Variants in METTL16 observed in about 807,000 individuals in gnomAD.
METTL16 encodes the protein methyltransferase 16, RNA N6-adenosine.
Under a neutral mutation model 57.9 loss-of-function variants are expected in METTL16, and 19 were observed. That is an observed-to-expected ratio of 0.33 (90% CI 0.23 to 0.48). The LOEUF (loss-of-function observed/expected upper bound fraction) is 0.48, where lower values mean the gene tolerates loss of function less well. Ranked by LOEUF, METTL16 falls within the 20% of genes least tolerant of loss-of-function variation. METTL16 has a pLI of 0.99. For missense variants in METTL16, 434 were observed against 691.5 expected (o/e 0.63, Z 4.18); for synonymous variants, 246 against 255.6 (o/e 0.96, Z 0.36).
chr17:2,502,718 T>C (rs1464064316), intron 1 of METTL16, among the ~76,000 whole-genome samples: 2 of 151,252 alleles, frequency 1.3e-5, no homozygotes, highest in Non-Finnish European at 2.9e-5. Context: ...GGGAAAGCTG[T>C]GGATGCCAAG....
intron 2 of METTL16, among the ~76,000 whole-genome samples, chr17:2,479,952 T>G (rs1042183253): frequency 6.6e-6 from 1 of 152,054 alleles, no homozygotes; most frequent in Non-Finnish European, 1.5e-5. Context: ...TTTGGGAGGC[T>G]GAGGTGGGTG....
intron 2 of METTL16, among the ~76,000 whole-genome samples, chr17:2,487,561 A>G (rs758331258): frequency 1.6e-4 from 25 of 152,348 alleles, no homozygotes; most frequent in East Asian, 3.9e-4. Flanking sequence ...GAGGGTATCC[A>G]TGAAGGATAA....
rs576706132 is a variant in METTL16 at position 2,488,412 on chromosome 17, C to G, written c.129-10527G>C. 1.3e-4 allele frequency among the ~76,000 whole-genome samples: 20 copies of G among 152,006 alleles called. No individual in the cohort carries two copies. In the South Asian group the frequency reaches 3.5e-3, roughly 27 times the overall value. ...TCTCTACTAGAAATACAAAAATTAG[C>G]CAGGCTTGGTGGTGGGCGCTTATGA... On this transcript the variant is annotated intron_variant, in intron 2 of 9. Transcript: ENST00000263092.
At chr17:2,499,620 A>C (rs2067473036) in intron 2 of METTL16, among the ~76,000 whole-genome samples, 2 of 152,164 alleles carry the variant, frequency 1.3e-5, no homozygotes, top group South Asian at 4.1e-4. Flanking sequence ...GCCAAAGGTG[A>C]TTATGGTATC....
intron 2 of METTL16, among the ~76,000 whole-genome samples, chr17:2,493,252 C>A (rs1164696637): frequency 6.6e-6 from 1 of 151,300 alleles, no homozygotes; most frequent in Non-Finnish European, 1.5e-5. Context: ...CCACGCCCGG[C>A]TAATTTTTTT....
intron 1 of METTL16, among the ~76,000 whole-genome samples, chr17:2,508,321 T>C (rs1314361785): frequency 6.6e-6 from 1 of 152,130 alleles, no homozygotes; most frequent in Non-Finnish European, 1.5e-5. Flanking sequence ...TCCAGACTTT[T>C]CCAAATCACA....
In METTL16 at chr17:2,419,795, C is replaced by A; in HGVS notation, c.*175G>T. 2.5e-6 allele frequency: 2 copies of A among 789,388 alleles called. No homozygotes were observed. The highest frequency in any genetic ancestry group is 2.1e-5 in the Admixed American group (1 of 47,516). The allele number at this position is 789,388 out of a possible 1,614,324, so 48.9% of individuals were successfully genotyped here. A position where few individuals can be genotyped will look rare whatever the true frequency, so the allele number is the denominator to read the frequency against. ...ATGACCACACTACGACTCCCTGTAA[C>A]TCAAAAAGCGGGAAGGAGGCGGGGG... On this transcript the variant is annotated 3_prime_UTR_variant, in exon 10 of 10. Transcript: ENST00000263092.
chr17:2,458,997 G>A (rs536339258), intron 6 of METTL16, among the ~76,000 whole-genome samples: 1 of 151,984 alleles, frequency 6.6e-6, no homozygotes, highest in African/African-American at 2.4e-5. Flanking sequence ...TGTAGGGAAG[G>A]GGTGTCGCCA....
At chr17:2,474,387 A>C (rs922757903) in intron 3 of METTL16, among the ~76,000 whole-genome samples, 13 of 106,174 alleles carry the variant, frequency 1.2e-4, no homozygotes, top group South Asian at 2.7e-4. Context: ...AAACAAAAAG[A>C]AAAAAAAAAA....
chr17:2,500,406 G>GA (rs2067478791), intron 2 of METTL16, among the ~76,000 whole-genome samples: 1 of 151,936 alleles, frequency 6.6e-6, no homozygotes, highest in African/African-American at 2.4e-5. Context: ...TCAGCCTCCG[G>GA]AGTAGCTGGG....
intron 8 of METTL16, among the ~76,000 whole-genome samples, chr17:2,432,314 T>A (rs1197094732): frequency 6.6e-6 from 1 of 152,122 alleles, no homozygotes; most frequent in South Asian, 2.1e-4. Flanking sequence ...ATGCCTGTAA[T>A]CCCAGCACTG....
rs1028113859 is a variant in METTL16, at chr17:2,482,724, T to C, written c.129-4839A>G. On this transcript the variant is annotated intron_variant, in intron 2 of 9. Coordinates refer to ENST00000263092, the MANE Select transcript of METTL16 (RefSeq NM_024086.4). ...GAGCTTGAGACCAGCCTGGGCAACATGGCGAAAGCCCGTCTCTACAAATAG... is the reference window on the plus strand; with the variant it reads ...GAGCTTGAGACCAGCCTGGGCAACACGGCGAAAGCCCGTCTCTACAAATAG... Among the ~76,000 whole-genome samples the C allele has an allele frequency of 2.6e-5, 4 of 152,254 alleles. No individual in the cohort carries two copies. The East Asian group carries it at 7.7e-4, about 29-fold the overall frequency.
At chr17:2,435,851 C>T (rs750869140) in intron 8 of METTL16, among the ~76,000 whole-genome samples, 2 of 151,660 alleles carry the variant, frequency 1.3e-5, no homozygotes, top group Admixed American at 1.3e-4. Context: ...GAACTATGAA[C>T]GGGGCTGAAG....
intron 3 of METTL16, among the ~76,000 whole-genome samples, chr17:2,476,226 G>A (rs1052879317): frequency 6.6e-6 from 1 of 152,180 alleles, no homozygotes. Context: ...AGTCTGAGAT[G>A]TTTTTCAGAA....
Position 2,474,004 on chromosome 17 carries a change from C to T in METTL16, c.329-340G>A, listed in dbSNP as rs1021533278. Among the ~76,000 whole-genome samples, 64 of 152,162 alleles carry T rather than the reference C, an allele frequency of 4.2e-4. 1 individual carries two copies. Among genetic ancestry groups the T allele is most frequent in the African/African-American group, 1.3e-3 (56 of 41,506 alleles). ...ATGGCTACTGGGTTCCCTAGTCATT[C>T]GTGTATGTTAGTCCTACCTCCTAAT... On this transcript the variant is annotated intron_variant, in intron 3 of 9. Coordinates refer to ENST00000263092, the MANE Select transcript of METTL16 (RefSeq NM_024086.4).
chr17:2,447,700 G>C (rs1286912427), intron 6 of METTL16, among the ~76,000 whole-genome samples: 2 of 142,472 alleles, frequency 1.4e-5, no homozygotes, highest in Admixed American at 6.7e-5. Flanking sequence ...GTCCGGGAGG[G>C]GGGAGGGGGG....
intron 8 of METTL16, among the ~76,000 whole-genome samples, chr17:2,427,609 G>A (rs1351034717): frequency 6.6e-6 from 1 of 152,044 alleles, no homozygotes; most frequent in Admixed American, 6.6e-5. Flanking sequence ...TTTGGCATGG[G>A]ATTCTTTTAT....
intron 6 of METTL16, among the ~76,000 whole-genome samples, chr17:2,444,964 C>T (rs972165310): frequency 6.6e-6 from 1 of 152,050 alleles, no homozygotes; most frequent in African/African-American, 2.4e-5. Context: ...GTTCCACCCA[C>T]TTAGGCCTCT....
chr17:2,430,608 C>T (rs1220995133), intron 8 of METTL16, among the ~76,000 whole-genome samples: 5 of 151,726 alleles, frequency 3.3e-5, no homozygotes, highest in South Asian at 2.1e-4. Flanking sequence ...TTAGTAGAGA[C>T]GGGGTTTCAC....
Sources: allele counts gnomAD v4.1 joint callset (sites outside exome capture counted in the v4.1 genomes callset), GRCh38; gene constraint gnomAD v4.1.1; transcripts MANE v1.5; gene names NCBI Gene and HGNC (gene_info 2026-07-23, HGNC 2026-07-21).